Variants in WWOX observed in about 807,000 individuals in gnomAD.
The protein encoded by WWOX is WW domain containing oxidoreductase.
A neutral mutation model predicts 46.2 loss-of-function variants in WWOX; 69 were observed. The ratio of observed to expected loss-of-function variants is 1.49; its 90% CI spans 1.23 to 1.82. WWOX has a LOEUF of 1.82. Ranked by LOEUF, WWOX falls within the 40% of genes most tolerant of loss-of-function variation. The pLI is 0.00. For synonymous variants in WWOX, 359 were observed against 202.6 expected, an observed-to-expected ratio of 1.77 and a Z score of -6.56; for missense variants, 919 against 542.6, an observed-to-expected ratio of 1.69 and a Z score of -6.89.
intron 1 of WWOX, among the ~76,000 whole-genome samples, chr16:78,108,133 G>T (rs868161599): frequency 7.3e-5 from 11 of 151,274 alleles, no homozygotes; most frequent in Non-Finnish European, 1.3e-4. Context: ...TCACCATGTT[G>T]GCCAGGATGG....
intron 5 of WWOX, among the ~76,000 whole-genome samples, chr16:78,311,138 G>A (rs2080234886): frequency 6.6e-6 from 1 of 152,148 alleles, no homozygotes; most frequent in African/African-American, 2.4e-5. Flanking sequence ...GAAAAAGAAA[G>A]GGGGGCGGTG....
chr16:78,544,800 A>T (rs1305978712), intron 8 of WWOX, among the ~76,000 whole-genome samples: 2 of 152,202 alleles, frequency 1.3e-5, no homozygotes, highest in Non-Finnish European at 2.9e-5. Flanking sequence ...ACTTCAGCCC[A>T]GAAGTTCAAG....
intron 4 of WWOX, among the ~76,000 whole-genome samples, chr16:78,144,444 TATACACATATATATATATACACAC>T (rs1282178808): frequency 0.13 from 2,091 of 15,672 alleles, 368 homozygotes; most frequent in East Asian, 0.33. Context: ...TATATATATA[TATACACATATATATATATACACAC>T]ATATATATAT....
intron 8 of WWOX, among the ~76,000 whole-genome samples, chr16:78,817,459 G>A (rs977992707): frequency 5.3e-5 from 8 of 152,148 alleles, no homozygotes; most frequent in Admixed American, 1.3e-4. Context: ...AGATCTATCG[G>A]AAGAGTTGGC....
At chr16:78,258,562 G>T (rs1050065651) in intron 5 of WWOX, among the ~76,000 whole-genome samples, 1 of 152,056 alleles carries the variant, frequency 6.6e-6, no homozygotes, top group Admixed American at 6.5e-5. Context: ...GGCCTTGACA[G>T]TTCCATGGAA....
intron 8 of WWOX, among the ~76,000 whole-genome samples, chr16:79,096,309 C>G (rs1266224228): frequency 6.6e-6 from 1 of 152,126 alleles, no homozygotes; most frequent in African/African-American, 2.4e-5. Flanking sequence ...AAGGCGTCCC[C>G]TGTTACTCGG....
intron 8 of WWOX, among the ~76,000 whole-genome samples, chr16:78,447,727 T>G (rs1156953173): frequency 6.6e-6 from 1 of 152,158 alleles, no homozygotes; most frequent in East Asian, 1.9e-4. Context: ...GGGGAGTCAG[T>G]GGAGGGGTAC....
intron 8 of WWOX, among the ~76,000 whole-genome samples, chr16:78,663,361 C>T (rs930180335): frequency 1.3e-5 from 2 of 152,132 alleles, no homozygotes; most frequent in African/African-American, 4.8e-5. Flanking sequence ...AATACTTCAT[C>T]CCCTTGTATG....
intron 8 of WWOX, among the ~76,000 whole-genome samples, chr16:78,950,711 C>G (rs1277611020): frequency 1.3e-5 from 2 of 152,142 alleles, no homozygotes; most frequent in South Asian, 2.1e-4. Context: ...GTAATGGTTT[C>G]TCTTAGACAC....
intron 8 of WWOX, among the ~76,000 whole-genome samples, chr16:78,975,221 G>T (rs574417292): frequency 6.6e-6 from 1 of 152,160 alleles, no homozygotes; most frequent in Non-Finnish European, 1.5e-5. Context: ...CTGGTTCAAG[G>T]GTTCTCAGAT....
chr16:78,870,226 C>A (rs958262794), intron 8 of WWOX, among the ~76,000 whole-genome samples: 1 of 152,210 alleles, frequency 6.6e-6, no homozygotes, highest in Non-Finnish European at 1.5e-5. Flanking sequence ...TGTTGATACA[C>A]ATTCAGGACT....
At chr16:79,004,292 C>G (rs563661050) in intron 8 of WWOX, 2 of 152,142 alleles carry the variant, frequency 1.3e-5, no homozygotes, top group African/African-American at 2.4e-5. Flanking sequence ...TACCGCATGG[C>G]GAGCCAGTAC....
At chr16:78,725,249 A>C (rs1012444952) in intron 8 of WWOX, among the ~76,000 whole-genome samples, 2 of 151,746 alleles carry the variant, frequency 1.3e-5, no homozygotes, top group Admixed American at 1.3e-4. Flanking sequence ...CTCCCCAGCC[A>C]CGTGAAATTG....
rs1478170159 is a variant in WWOX at position 78,549,969 on chromosome 16, T to C, written c.1056+117217T>C. ...AAAGTCAGGAGAGGAGGACTGAAAA[T>C]TCCCATCCCACCCCCGCAACAATGA... is the stretch of plus-strand genomic sequence containing the variant. On this transcript the variant is annotated intron_variant, in intron 8 of 8. Transcript: ENST00000566780. Among the ~76,000 whole-genome samples, 3 of 151,910 alleles carry C rather than the reference T, an allele frequency of 2.0e-5. No homozygotes were observed. In the East Asian group the frequency reaches 5.8e-4, roughly 29 times the overall value.
At chr16:78,877,609 G>T (rs2044260615) in intron 8 of WWOX, among the ~76,000 whole-genome samples, 1 of 152,194 alleles carries the variant, frequency 6.6e-6, no homozygotes, top group South Asian at 2.1e-4. Flanking sequence ...TACAGACATA[G>T]ATGTGGACAT....
rs763644638 is a variant in WWOX at position 78,697,106 on chromosome 16, ATTG to A, written c.1056+264359_1056+264361del. On this transcript the variant is annotated intron_variant, in intron 8 of 8. Transcript: ENST00000566780. ...TAATTTCACATTTTTGCAATTGTGAATTGTTGTGCTGTAAACATGCGTGTGCAA... is the reference window on the plus strand; with the variant it reads ...TAATTTCACATTTTTGCAATTGTGAATTGTGCTGTAAACATGCGTGTGCAA... Among the ~76,000 whole-genome samples the A allele has an allele frequency of 1.4e-4, 21 of 152,330 alleles. 1 individual carries two copies. Among genetic ancestry groups the A allele is most frequent in the Admixed American group, 2.6e-4 (4 of 15,292 alleles).
At chr16:78,324,479 A>C (rs73576428) in intron 5 of WWOX, among the ~76,000 whole-genome samples, 22,016 of 152,130 alleles carry the variant, frequency 0.14, 1,961 homozygotes, top group East Asian at 0.37. Context: ...AGACTTGTAC[A>C]TGAATGTTAA....
chr16:78,647,409 GTTTCTATCATTACACAGAT>G, intron 8 of WWOX, among the ~76,000 whole-genome samples: 1 of 152,100 alleles, frequency 6.6e-6, no homozygotes, highest in African/African-American at 2.4e-5. Context: ...GGGTCTCCAG[GTTTCTATCATTACACAGAT>G]TAGCACACGG....
chr16:79,073,191 T>TATTATC (rs1325465505), intron 8 of WWOX, among the ~76,000 whole-genome samples: 1 of 142,864 alleles, frequency 7.0e-6, no homozygotes, highest in East Asian at 2.0e-4. Context: ...TTATTATTAT[T>TATTATC]ACTGAGACAC....
Sources: allele counts gnomAD v4.1 joint callset (sites outside exome capture counted in the v4.1 genomes callset), GRCh38; gene constraint gnomAD v4.1.1; transcripts MANE v1.5; gene names NCBI Gene and HGNC (gene_info 2026-07-23, HGNC 2026-07-21).